EIF3A: variants seen among roughly 807,000 people sequenced by gnomAD.
EIF3A encodes EIF3, p180 subunit.
In EIF3A, 21 loss-of-function variants were observed where a neutral mutation model predicts 186.6. The observed-to-expected ratio is 0.11, with a 90% CI of 0.08 to 0.16. The LOEUF is 0.16. EIF3A is among the 10% of genes least tolerant of loss of function. EIF3A has a pLI of 1.00. For synonymous variants in EIF3A, 563 were observed against 584.3 expected (o/e 0.96, Z 0.52); for missense variants, 1,306 against 1,796.3 (o/e 0.73, Z 4.93).
intron 7 of EIF3A, among the ~76,000 whole-genome samples, chr10:119,063,661 A>G (rs535667971): frequency 2.6e-5 from 4 of 152,354 alleles, no homozygotes; most frequent in African/African-American, 4.8e-5. Flanking sequence ...GACTATTATG[A>G]TAAGAATCCC....
At position 119,042,163 on chromosome 10, in the gene EIF3A, A is replaced by C; in HGVS notation, c.3357T>G (p.Pro1119=). The change falls in exon 19 of 22, where the codon CCT becomes CCG. Residue 1119 remains proline (P), a synonymous_variant. Coordinates refer to ENST00000369144, the MANE Select transcript of EIF3A (RefSeq NM_003750.4). This position sits in a 1 kb window ranked among gnomAD's most constrained non-coding sequence, Gnocchi z 7.8. Reference sequence around the variant, plus strand: ...TTCTGTCATCATCGGCGTTCCTCCAAGGTCCTCGATCATCATCCAACCCTC... The same window carrying C: ...TTCTGTCATCATCGGCGTTCCTCCACGGTCCTCGATCATCATCCAACCCTC... ...PRRGLDDDRG[P]WRNADDDRIP... 1.2e-6 allele frequency: 2 copies of C among 1,613,816 alleles called. No homozygotes were observed. The highest frequency in any genetic ancestry group is 1.7e-6 in the Non-Finnish European group (2 of 1,179,978).
At chr10:119,037,409 TAAC>T in intron 20 of EIF3A, 100 bp from the exon 21 acceptor site, 1 of 1,053,412 alleles carries the variant, frequency 9.5e-7, no homozygotes, top group East Asian at 2.6e-5. Context: ...TTTACAAATA[TAAC>T]AGACAGTTTA....
At chr10:119,058,437 T>C (rs935856758) in intron 11 of EIF3A, 134 bp from the exon 12 acceptor site, 3 of 674,064 alleles carry the variant, frequency 4.5e-6, no homozygotes, top group Non-Finnish European at 7.4e-6. Context: ...GATGACACTA[T>C]CCAAGCTGTT....
At chr10:119,067,591 G>C (rs1366151643) in intron 6 of EIF3A, among the ~76,000 whole-genome samples, 1 of 152,166 alleles carries the variant, frequency 6.6e-6, no homozygotes, top group South Asian at 2.1e-4. Context: ...AAGACCCTAT[G>C]AGAAAGGAAA....
At chr10:119,057,463 A>C (rs557924008) in intron 12 of EIF3A, among the ~76,000 whole-genome samples, 1 of 152,286 alleles carries the variant, frequency 6.6e-6, no homozygotes, top group South Asian at 2.1e-4. Flanking sequence ...AATTACCTTC[A>C]GGCTATGTGT....
chr10:119,080,571 C>A, intron 1 of EIF3A, 57 bp downstream of exon 1: 1 of 1,534,096 alleles, frequency 6.5e-7, no homozygotes, highest in South Asian at 1.2e-5. Context: ...GGCCCGCGCT[C>A]TCGACCTCGG....
At chr10:119,067,809 C>T (rs1474093555) in intron 6 of EIF3A, among the ~76,000 whole-genome samples, 1 of 151,934 alleles carries the variant, frequency 6.6e-6, no homozygotes, top group Admixed American at 6.6e-5. Context: ...TGCCTAAGTC[C>T]AATAGCATTT....
rs774540261 is a variant in EIF3A at position 119,044,247 on chromosome 10, C to T, written c.2659-105G>A. On this transcript the variant is annotated intron_variant, in intron 17 of 21. Coordinates refer to ENST00000369144, the MANE Select transcript of EIF3A (RefSeq NM_003750.4). ...TTTTTGTACTTATAACAATATGAAG[C>T]CCTTAAATAAGCAAGTTTTAAAATT... The T allele has an allele frequency of 3.4e-4, 255 of 759,818 alleles. 2 individuals are homozygous for T. In the African/African-American group the frequency reaches 3.5e-3, roughly 10 times the overall value. 47.1% of individuals were successfully genotyped at this position (759,818 alleles called of 1,614,324 possible).
chr10:119,042,893 C>CT lies in EIF3A; in HGVS notation c.2748-122dup. The CT allele has an allele frequency of 9.6e-7, 1 of 1,037,436 alleles. No homozygotes were observed. Among genetic ancestry groups the CT allele is most frequent in the East Asian group, 2.6e-5 (1 of 37,854 alleles). 64.3% of individuals were successfully genotyped at this position (1,037,436 alleles called of 1,614,324 possible). A position where few individuals can be genotyped will look rare whatever the true frequency, so the allele number is the denominator to read the frequency against. On this transcript the variant is annotated intron_variant, in intron 18 of 21. Transcript: ENST00000369144. This position sits in a 1 kb window ranked among gnomAD's most constrained non-coding sequence, Gnocchi z 7.8. ...TATGGGCCGGAGCAGTGGCTCGCAC[C>CT]TTTAATCCCAGCACTCTGGGAAGCA...
At chr10:119,062,627 G>A (rs903975217) in intron 7 of EIF3A, among the ~76,000 whole-genome samples, 2 of 151,976 alleles carry the variant, frequency 1.3e-5, no homozygotes, top group African/African-American at 4.8e-5. Flanking sequence ...AGTGATCACC[G>A]AATGACTTGC....
intron 17 of EIF3A, 76 bp downstream of exon 17, chr10:119,049,725 C>T (rs1283427332): frequency 7.5e-6 from 10 of 1,335,064 alleles, no homozygotes; most frequent in East Asian, 2.3e-5. Context: ...ACCTGGGCGA[C>T]AGAGCAAGAC....
rs1844111228 is a variant in EIF3A, at chr10:119,073,520, T to C, written c.298A>G (p.Lys100Glu). ...GATTCTTCTTTAGCAGCTTCAGTTT[T>C]TTCCTCTGCCATTTTCAAATATGCC... The part of the protein sequence containing the change: ...VRAYLKMAEE[K>E]TEAAKEESQQ... The change falls in exon 3 of 22, where the codon AAA becomes GAA. Residue 100 changes from lysine to glutamate, a missense_variant. This residue lies in a region of EIF3A where 130 missense variants were observed against 259.3 expected (regional missense o/e 0.50). Coordinates refer to ENST00000369144, the MANE Select transcript of EIF3A (RefSeq NM_003750.4). The C allele has an allele frequency of 2.5e-6, 4 of 1,611,708 alleles. No individual in the cohort carries two copies. The highest frequency in any genetic ancestry group is 1.7e-5 in the Admixed American group (1 of 60,014).
At chr10:119,076,695 C>T (rs1255675679) in intron 1 of EIF3A, among the ~76,000 whole-genome samples, 1 of 151,868 alleles carries the variant, frequency 6.6e-6, no homozygotes, top group African/African-American at 2.4e-5. Flanking sequence ...TAATCCTAGC[C>T]CTCTGGGAGG....
Position 119,042,470 on chromosome 10 carries a change from G to T in EIF3A, c.3050C>A (p.Pro1017Gln). ...GNWRHADDDR[P>Q]PRRGLDEDRG... ...GTCCTCATCCAGTCCTCGTCTAGGT[G>T]GTCTGTCATCATCCGCATGACGCCA... Residue 1017 changes from proline (P) to glutamine (Q), a missense_variant, in exon 19 of 22, where the codon CCA (proline) becomes CAA (glutamine). Transcript: ENST00000369144. The surrounding 1 kb of genome is among the most constrained non-coding windows in gnomAD (Gnocchi z 7.8). 6.2e-6 allele frequency: 10 copies of T among 1,614,128 alleles called. No individual in the cohort carries two copies. Among genetic ancestry groups the T allele is most frequent in the Non-Finnish European group, 8.5e-6 (10 of 1,180,028 alleles).
chr10:119,040,037 A>C (rs982338788), intron 19 of EIF3A, among the ~76,000 whole-genome samples: 1 of 152,240 alleles, frequency 6.6e-6, no homozygotes, highest in Non-Finnish European at 1.5e-5. Flanking sequence ...GAAAAGAAAA[A>C]TTAAATGTCT....
At chr10:119,080,548 G>T (rs929556110) in intron 1 of EIF3A, 80 bp downstream of exon 1, 7 of 1,487,542 alleles carry the variant, frequency 4.7e-6, no homozygotes, top group Non-Finnish European at 1.8e-6. Flanking sequence ...GGGCGGCGGA[G>T]CAGTGGGAAG....
rs1366723510 is a variant in EIF3A, at chr10:119,058,302, T to C, written c.1631A>G (p.Gln544Arg). 6.4e-7 allele frequency: 1 copy of C among 1,559,156 alleles called. No homozygotes were observed. The highest frequency in any genetic ancestry group is 1.4e-5 in the African/African-American group (1 of 72,866). Residue 544 changes from glutamine (Q) to arginine (R), a missense_variant and splice_region_variant, in exon 12 of 22, where the codon CAA (glutamine) becomes CGA (arginine). Coordinates refer to ENST00000369144, the MANE Select transcript of EIF3A (RefSeq NM_003750.4). ...CAACTGATGCTGTTCTTCTTTCTCT[T>C]GCTTCAAAAACAAATGAATTTTTTT... ...LEVIKPAHIL[Q>R]EKEEQHQLAV...
intron 14 of EIF3A, among the ~76,000 whole-genome samples, chr10:119,052,764 T>C (rs2119818881): frequency 6.6e-6 from 1 of 152,284 alleles, no homozygotes; most frequent in African/African-American, 2.4e-5. Context: ...AAGTCATCCA[T>C]GAGGCTTGGA....
chr10:119,044,024 A>C (rs1182197182), intron 18 of EIF3A, 30 bp downstream of exon 18: 1 of 1,465,492 alleles, frequency 6.8e-7, no homozygotes, highest in Admixed American at 1.7e-5. Flanking sequence ...CAGGAACTGG[A>C]GCGGCATTAT....
Sources: gnomAD v4.1 joint callset for allele counts (sites outside exome capture counted in the v4.1 genomes callset) on GRCh38, gnomAD v4.1.1 for gene constraint, gnomAD v4.1.1 regional missense constraint, Gnocchi (gnomAD v3.1) non-coding constraint, MANE v1.5 for transcripts, NCBI Gene and HGNC (gene_info 2026-07-23, HGNC 2026-07-21) for gene names.